The following CAMK2D variants were observed in gnomAD, a reference collection of about 807,000 sequenced individuals.
CAMK2D encodes calcium/calmodulin dependent protein kinase II delta, also known as calcium/calmodulin-dependent protein kinase type II subunit delta.
A neutral mutation model predicts 84.0 loss-of-function variants in CAMK2D; 37 were observed. The ratio of observed to expected loss-of-function variants is 0.44; its 90% confidence interval spans 0.34 to 0.58. The LOEUF (loss-of-function observed/expected upper bound fraction) is 0.58. Among genes scored for constraint, CAMK2D ranks in the 20% least tolerant of loss-of-function variants. The pLI, the probability that CAMK2D is intolerant of heterozygous loss-of-function variation, is 0.02. For missense variants in CAMK2D, 448 were observed against 652.5 expected (o/e 0.69, Z 3.41); for synonymous variants, 202 against 212.5 (o/e 0.95, Z 0.43).
chr4:113,490,076 C>A (rs979116486), intron 16 of CAMK2D, among the ~76,000 whole-genome samples: 2 of 151,216 alleles, frequency 1.3e-5, no homozygotes, highest in African/African-American at 2.4e-5. Flanking sequence ...CGAAAATTTT[C>A]TCCCATTTTG....
At chr4:113,571,393 C>T (rs529951443) in intron 4 of CAMK2D, among the ~76,000 whole-genome samples, 1 of 152,248 alleles carries the variant, frequency 6.6e-6, no homozygotes, top group African/African-American at 2.4e-5. Flanking sequence ...AAGTGTCCAT[C>T]AACAGATGTG....
chr4:113,719,628 T>C (rs1262670128), intron 2 of CAMK2D, among the ~76,000 whole-genome samples: 1 of 152,170 alleles, frequency 6.6e-6, no homozygotes, highest in East Asian at 1.9e-4. Context: ...TAAATACGTA[T>C]GATTCACAAA....
chr4:113,501,621 C>G (rs1370274584), intron 15 of CAMK2D, among the ~76,000 whole-genome samples: 1 of 152,044 alleles, frequency 6.6e-6, no homozygotes, highest in African/African-American at 2.4e-5. Flanking sequence ...TCCATACACA[C>G]AAAACCAAAG....
At position 113,452,832 on chromosome 4, in the gene CAMK2D, T is replaced by C. The variant is rs1478594323; in HGVS notation, c.*1713A>G. The C allele has an allele frequency of 6.6e-6, 1 of 152,522 alleles. No individual in the cohort carries two copies. The highest frequency in any genetic ancestry group is 1.9e-4 in the East Asian group (1 of 5,196). 9.4% of individuals were successfully genotyped at this position (152,522 alleles called of 1,614,324 possible). Reference sequence around the variant, plus strand: ...ACTGTATATATTTATTTTAAATATATATGTTGTTTTAAATTGTGTAATAAT... The same window carrying C: ...ACTGTATATATTTATTTTAAATATACATGTTGTTTTAAATTGTGTAATAAT... On this transcript the variant is annotated 3_prime_UTR_variant, in exon 21 of 21. Coordinates refer to ENST00000511664, the MANE Select transcript of CAMK2D (RefSeq NM_001321571.2).
chr4:113,465,704 A>C (rs756130018), intron 16 of CAMK2D, 100 bp from the exon 17 acceptor site: 21 of 740,922 alleles, frequency 2.8e-5, no homozygotes, highest in Non-Finnish European at 4.2e-5. Flanking sequence ...TCACTCTGTC[A>C]CCCATGCTGG....
At chr4:113,591,449 A>C (rs934070490) in intron 4 of CAMK2D, among the ~76,000 whole-genome samples, 1 of 152,098 alleles carries the variant, frequency 6.6e-6, no homozygotes, top group African/African-American at 2.4e-5. Flanking sequence ...TAAACTTTCC[A>C]CTTTTATTCG....
intron 2 of CAMK2D, among the ~76,000 whole-genome samples, chr4:113,717,310 A>C (rs555143452): frequency 2.0e-5 from 3 of 152,282 alleles, no homozygotes; most frequent in Admixed American, 6.5e-5. Flanking sequence ...TTAAAAAAAT[A>C]AGAGAAAAAT....
chr4:113,536,736 T>C (rs1240723655), intron 7 of CAMK2D, among the ~76,000 whole-genome samples: 1 of 152,220 alleles, frequency 6.6e-6, no homozygotes, highest in African/African-American at 2.4e-5. Flanking sequence ...AATTTAAATT[T>C]ATTTAGAGTT....
At chr4:113,612,539 T>C (rs2099004817) in intron 3 of CAMK2D, among the ~76,000 whole-genome samples, 1 of 152,228 alleles carries the variant, frequency 6.6e-6, no homozygotes, top group Admixed American at 6.5e-5. Context: ...GTTCTTTCTA[T>C]GACTGCTCTG....
At chr4:113,495,295 A>T (rs2097913369) in intron 16 of CAMK2D, among the ~76,000 whole-genome samples, 1 of 152,220 alleles carries the variant, frequency 6.6e-6, no homozygotes, top group Non-Finnish European at 1.5e-5. Flanking sequence ...CATAATTATC[A>T]AAAGTCCCTC....
chr4:113,513,214 CTGAACAA>C, intron 12 of CAMK2D, 107 bp downstream of exon 12: 1 of 1,546,212 alleles, frequency 6.5e-7, no homozygotes, highest in Non-Finnish European at 8.7e-7. Flanking sequence ...TTTGCCACCC[CTGAACAA>C]TGAAGTTTTT....
At chr4:113,651,425 G>A (rs970132493) in intron 3 of CAMK2D, among the ~76,000 whole-genome samples, 4 of 152,014 alleles carry the variant, frequency 2.6e-5, no homozygotes, top group African/African-American at 9.7e-5. Flanking sequence ...TTTCTACTGT[G>A]GCAAATTCCT....
intron 16 of CAMK2D, among the ~76,000 whole-genome samples, chr4:113,487,957 TCTG>T (rs1234814732): frequency 6.6e-6 from 1 of 152,044 alleles, no homozygotes; most frequent in African/African-American, 2.4e-5. Flanking sequence ...ATATCTACAT[TCTG>T]CTGTTATGAG....
At chr4:113,747,639 T>G (rs1250049128) in intron 2 of CAMK2D, among the ~76,000 whole-genome samples, 1 of 152,162 alleles carries the variant, frequency 6.6e-6, no homozygotes, top group Non-Finnish European at 1.5e-5. Context: ...CAAATTCTAA[T>G]TATCCTCCCG....
intron 8 of CAMK2D, among the ~76,000 whole-genome samples, chr4:113,521,978 T>C (rs945673836): frequency 6.6e-6 from 1 of 152,210 alleles, no homozygotes; most frequent in Non-Finnish European, 1.5e-5. Flanking sequence ...CATATACAGG[T>C]AGATATTAAA....
At chr4:113,603,300 G>GTGC (rs2098961278) in intron 4 of CAMK2D, among the ~76,000 whole-genome samples, 1 of 150,998 alleles carries the variant, frequency 6.6e-6, no homozygotes, top group Admixed American at 6.6e-5. Context: ...CCATGTTGGT[G>GTGC]TGCTGCACCC....
intron 8 of CAMK2D, among the ~76,000 whole-genome samples, chr4:113,523,841 C>CAT (rs556509511): frequency 6.6e-6 from 1 of 151,228 alleles, no homozygotes; most frequent in African/African-American, 2.4e-5. Flanking sequence ...TAAAACAGAT[C>CAT]TTTTTTTTTG....
chr4:113,719,175 T>C (rs1455031412), intron 2 of CAMK2D, among the ~76,000 whole-genome samples: 2 of 152,180 alleles, frequency 1.3e-5, no homozygotes, highest in African/African-American at 2.4e-5. Context: ...ATAAAATTTA[T>C]AGGAAGCCAT....
At chr4:113,461,248 T>C (rs1033670863) in intron 17 of CAMK2D, among the ~76,000 whole-genome samples, 1 of 150,962 alleles carries the variant, frequency 6.6e-6, no homozygotes, top group Non-Finnish European at 1.5e-5. Context: ...AAAAAACCAA[T>C]GAGCTTTCTT....
Sources: gnomAD v4.1 joint callset for allele counts (sites outside exome capture counted in the v4.1 genomes callset) on GRCh38, gnomAD v4.1.1 for gene constraint, MANE v1.5 for transcripts, NCBI Gene and HGNC (gene_info 2026-07-23, HGNC 2026-07-21) for gene names.